The following ROBO2 variants were observed in gnomAD, a reference collection of about 807,000 sequenced individuals.
ROBO2 encodes roundabout homolog 2.
ROBO2 carries 53 observed loss-of-function variants against 160.8 expected under a neutral mutation model. That is an observed-to-expected ratio of 0.33 (90% CI 0.26 to 0.41). The LOEUF is 0.41. ROBO2 is among the 10% of genes least tolerant of loss of function. ROBO2 has a pLI of 1.00. For missense variants in ROBO2, 1,577 were observed against 1,722.4 expected, an observed-to-expected ratio of 0.92 and a Z score of 1.49; for synonymous variants, 664 against 611.7, an observed-to-expected ratio of 1.09 and a Z score of -1.26.
At chr3:77,224,532 G>T (rs1297915294) in intron 2 of ROBO2, among the ~76,000 whole-genome samples, 1 of 151,912 alleles carries the variant, frequency 6.6e-6, no homozygotes, top group Non-Finnish European at 1.5e-5. Flanking sequence ...ATGCTGCAGT[G>T]CTATCACAAC....
chr3:76,917,923 TAAG>T (rs1417006637), intron 2 of ROBO2, among the ~76,000 whole-genome samples: 1 of 152,074 alleles, frequency 6.6e-6, no homozygotes, highest in Non-Finnish European at 1.5e-5. Flanking sequence ...TTCTAGATAT[TAAG>T]AAGAACAGAA....
chr3:77,240,957 AT>A (rs1043381603), intron 2 of ROBO2, among the ~76,000 whole-genome samples: 1 of 152,246 alleles, frequency 6.6e-6, no homozygotes, highest in African/African-American at 2.4e-5. Context: ...CTACAAGTGT[AT>A]TCACAACTTA....
At chr3:77,297,635 G>A (rs973973938) in intron 2 of ROBO2, among the ~76,000 whole-genome samples, 2 of 152,062 alleles carry the variant, frequency 1.3e-5, no homozygotes, top group African/African-American at 4.8e-5. Flanking sequence ...CAGTCTCTCG[G>A]ATCTAACTTT....
intron 2 of ROBO2, among the ~76,000 whole-genome samples, chr3:77,422,731 ACTC>A (rs1236710251): frequency 6.6e-6 from 1 of 152,150 alleles, no homozygotes; most frequent in African/African-American, 2.4e-5. Context: ...TTGCCTGGAC[ACTC>A]ACAGTGATTT....
chr3:76,591,421 G>A (rs2086410731), intron 2 of ROBO2, among the ~76,000 whole-genome samples: 1 of 152,040 alleles, frequency 6.6e-6, no homozygotes. Flanking sequence ...AGTGTCAACT[G>A]TAATAAAAAA....
At chr3:76,957,662 C>T (rs1268385292) in intron 2 of ROBO2, among the ~76,000 whole-genome samples, 1 of 151,886 alleles carries the variant, frequency 6.6e-6, no homozygotes, top group South Asian at 2.1e-4. Context: ...GAAACCCCGT[C>T]TCTACTAAAA....
chr3:76,368,865 A>G (rs147482762), intron 2 of ROBO2, among the ~76,000 whole-genome samples: 37 of 152,038 alleles, frequency 2.4e-4, no homozygotes, highest in African/African-American at 7.7e-4. Context: ...ATATTTTGCT[A>G]TGAGAAAACA....
rs60959193 is a variant in ROBO2, at chr3:77,484,508, A to AACACACACACAC, written c.667+3313_667+3324dup. 8.7e-3 allele frequency among the ~76,000 whole-genome samples: 1,283 copies of AACACACACACAC among 146,814 alleles called. 15 individuals carry two copies. The highest frequency in any genetic ancestry group is 0.03 in the African/African-American group (1,191 of 39,868). On this transcript the variant is annotated intron_variant, in intron 4 of 25. Transcript: ENST00000461745. ...TACAGGAATCTCTTGCCCCAACACA[A>AACACACACACAC]ACACACACACACACACACACACACA...
At chr3:76,666,594 A>G (rs148953891) in intron 2 of ROBO2, among the ~76,000 whole-genome samples, 2 of 152,250 alleles carry the variant, frequency 1.3e-5, no homozygotes, top group African/African-American at 4.8e-5. Flanking sequence ...TTCTGACCCT[A>G]CATTTCTCAG....
intron 2 of ROBO2, among the ~76,000 whole-genome samples, chr3:76,442,670 T>C (rs1478647635): frequency 3.3e-5 from 5 of 152,122 alleles, no homozygotes; most frequent in African/African-American, 9.7e-5. Context: ...CTCTTCTGAG[T>C]AGCATGATGA....
intron 2 of ROBO2, among the ~76,000 whole-genome samples, chr3:76,940,472 T>G (rs2078109059): frequency 6.6e-6 from 1 of 152,354 alleles, no homozygotes; most frequent in East Asian, 1.9e-4. Flanking sequence ...AAAATCCATT[T>G]ATCTGCCTGT....
chr3:77,593,974 A>AT (rs1005827861), intron 17 of ROBO2, among the ~76,000 whole-genome samples: 11 of 152,016 alleles, frequency 7.2e-5, no homozygotes, highest in African/African-American at 2.2e-4. Context: ...TGAAAATAGT[A>AT]TTTTTTTTCC....
chr3:77,113,152 C>T (rs2073840953), intron 2 of ROBO2, among the ~76,000 whole-genome samples: 1 of 152,226 alleles, frequency 6.6e-6, no homozygotes, highest in South Asian at 2.1e-4. Context: ...AAATCAATTG[C>T]ATTTTGTAGA....
intron 2 of ROBO2, among the ~76,000 whole-genome samples, chr3:77,169,032 A>T (rs974508709): frequency 1.3e-5 from 2 of 152,206 alleles, no homozygotes; most frequent in African/African-American, 4.8e-5. Flanking sequence ...AAGAAGACTT[A>T]AGCACAAAGT....
chr3:76,115,620 C>T (rs576322059), intron 2 of ROBO2, among the ~76,000 whole-genome samples: 2 of 152,172 alleles, frequency 1.3e-5, no homozygotes, highest in South Asian at 4.1e-4. Context: ...TGAATATGCA[C>T]ATGAACATTA....
intron 13 of ROBO2, among the ~76,000 whole-genome samples, chr3:77,573,940 A>T (rs937823163): frequency 2.0e-5 from 3 of 151,906 alleles, no homozygotes; most frequent in African/African-American, 7.2e-5. Flanking sequence ...ACCTCAGCTC[A>T]TGAGGGCAGG....
intron 2 of ROBO2, among the ~76,000 whole-genome samples, chr3:77,354,220 C>T (rs2068741748): frequency 6.6e-6 from 1 of 152,164 alleles, no homozygotes; most frequent in South Asian, 2.1e-4. Flanking sequence ...AGTTGTTGGT[C>T]TCATGGACAC....
At chr3:75,941,801 G>C (rs888852088) in intron 2 of ROBO2, among the ~76,000 whole-genome samples, 1 of 152,096 alleles carries the variant, frequency 6.6e-6, no homozygotes, top group African/African-American at 2.4e-5. Flanking sequence ...AGATCACTTT[G>C]TTGTCCTATT....
chr3:75,921,374 C>A (rs967693379), intron 1 of ROBO2, among the ~76,000 whole-genome samples: 1 of 150,352 alleles, frequency 6.7e-6, no homozygotes, highest in Non-Finnish European at 1.5e-5. Flanking sequence ...ACACACATTG[C>A]ATACTTTCAT....
Sources: gnomAD v4.1 joint callset for allele counts (sites outside exome capture counted in the v4.1 genomes callset) on GRCh38, gnomAD v4.1.1 for gene constraint, MANE v1.5 for transcripts, NCBI Gene and HGNC (gene_info 2026-07-23, HGNC 2026-07-21) for gene names.